The following TMEM38A variants were observed in gnomAD, a reference collection of about 807,000 sequenced individuals.
TMEM38A encodes the protein transmembrane protein 38A, also known as trimeric intracellular cation channel type A.
Under a neutral mutation model 28.6 loss-of-function variants are expected in TMEM38A, and 17 were observed. The observed-to-expected ratio is 0.60, with a 90% CI of 0.41 to 0.89. The LOEUF is 0.89. TMEM38A is among the 40% of genes least tolerant of loss of function. The pLI is 0.00. For synonymous variants in TMEM38A, 169 were observed against 166.1 expected (o/e 1.02, Z -0.14); for missense variants, 328 against 393.1 (o/e 0.83, Z 1.40).
intron 4 of TMEM38A, among the ~76,000 whole-genome samples, chr19:16,683,906 G>A (rs1224770101): frequency 1.3e-5 from 2 of 151,770 alleles, no homozygotes; most frequent in Admixed American, 1.3e-4. Context: ...GGAGGCGGAG[G>A]TTGCAGTGAG....
intron 2 of TMEM38A, 126 bp from the exon 3 acceptor site, chr19:16,680,271 C>G: frequency 6.8e-7 from 1 of 1,470,796 alleles, no homozygotes; most frequent in Admixed American, 1.7e-5. Flanking sequence ...AATATGCTGC[C>G]CTCCATGCCC....
chr19:16,663,748 G>A (rs1246460074), intron 1 of TMEM38A, among the ~76,000 whole-genome samples: 1 of 151,382 alleles, frequency 6.6e-6, no homozygotes, highest in African/African-American at 2.4e-5. Flanking sequence ...GTATTAGCCA[G>A]GATGGTCTCG....
intron 1 of TMEM38A, among the ~76,000 whole-genome samples, chr19:16,674,078 G>T (rs1237655459): frequency 7.0e-6 from 1 of 142,662 alleles, no homozygotes; most frequent in Non-Finnish European, 1.5e-5. Context: ...AGAGCGAGAT[G>T]CTGTCTCTTA....
intron 3 of TMEM38A, 63 bp from the exon 4 acceptor site, chr19:16,682,358 T>C: frequency 7.2e-7 from 1 of 1,381,266 alleles, no homozygotes; most frequent in Non-Finnish European, 1.0e-6. Context: ...TCCTTGGGAA[T>C]TCAAACAAGA....
intron 1 of TMEM38A, among the ~76,000 whole-genome samples, chr19:16,675,137 A>G (rs1195367768): frequency 6.6e-6 from 1 of 152,142 alleles, no homozygotes; most frequent in Non-Finnish European, 1.5e-5. Context: ...AACATGGTCA[A>G]GTTCTAATGA....
intron 1 of TMEM38A, among the ~76,000 whole-genome samples, chr19:16,674,318 G>A (rs1325998141): frequency 6.8e-6 from 1 of 146,098 alleles, no homozygotes; most frequent in Admixed American, 6.9e-5. Context: ...CTAGGAGGAG[G>A]CGGAGATTGC....
At chr19:16,675,150 G>A (rs2086744838) in intron 1 of TMEM38A, among the ~76,000 whole-genome samples, 1 of 152,126 alleles carries the variant, frequency 6.6e-6, no homozygotes, top group Non-Finnish European at 1.5e-5. Flanking sequence ...TCTAATGAGG[G>A]CCCTCTTCTG....
chr19:16,661,351 G>T lies in TMEM38A; in HGVS notation c.124+10G>T. 8.2e-6 allele frequency: 13 copies of T among 1,585,828 alleles called. No homozygotes were observed. Among genetic ancestry groups the T allele is most frequent in the African/African-American group, 2.7e-5 (2 of 73,394 alleles). ...CTCAAGTATGAGCCAGGTGAGCCGG[G>T]GCGGGGGGCTGGAGGGGACCGGCAG... On this transcript the variant is annotated intron_variant, in intron 1 of 5. Transcript: ENST00000187762. The surrounding 1 kb of genome is among the most constrained non-coding windows in gnomAD (Gnocchi z 6.5).
At chr19:16,666,464 T>A (rs2086703623) in intron 1 of TMEM38A, among the ~76,000 whole-genome samples, 2 of 151,736 alleles carry the variant, frequency 1.3e-5, no homozygotes, top group South Asian at 4.2e-4. Context: ...GGTCTTGCTC[T>A]GTCTCCCAGG....
rs2086802044 is a variant in TMEM38A, at chr19:16,686,357, C to A, written c.624C>A (p.Ser208=). The A allele has an allele frequency of 6.2e-7, 1 of 1,613,696 alleles. No individual in the cohort carries two copies. Among genetic ancestry groups the A allele is most frequent in the African/African-American group, 1.3e-5 (1 of 74,918 alleles). ...AGCAGACCCGCTGGCTCCCAGTGTC[C>A]AAAGCCAGCCTCATCTTCATCTTCA... The part of the protein sequence containing the change: ...TLQQTRWLPV[S]KASLIFIFTL... Residue 208 remains serine (S), a synonymous_variant, in exon 5 of 6, where the codon TCC becomes TCA. Coordinates refer to ENST00000187762, the MANE Select transcript of TMEM38A (RefSeq NM_024074.4).
At chr19:16,669,524 A>C (rs2086717654) in intron 1 of TMEM38A, among the ~76,000 whole-genome samples, 1 of 151,942 alleles carries the variant, frequency 6.6e-6, no homozygotes, top group Non-Finnish European at 1.5e-5. Context: ...AACATTTTTC[A>C]TATGCTGTTA....
chr19:16,671,201 C>CTTTTTTTTTT lies in TMEM38A; in HGVS notation c.125-8770_125-8761dup, dbSNP rs34550977. 8.0e-3 allele frequency among the ~76,000 whole-genome samples: 675 copies of CTTTTTTTTTT among 84,838 alleles called. 81 individuals are homozygous for CTTTTTTTTTT. Among genetic ancestry groups the CTTTTTTTTTT allele is most frequent in the African/African-American group, 0.041 (615 of 15,110 alleles). The allele number at this position is 84,838 out of a possible 152,430, so 55.7% of individuals were successfully genotyped here. On this transcript the variant is annotated intron_variant, in intron 1 of 5. Coordinates refer to ENST00000187762, the MANE Select transcript of TMEM38A (RefSeq NM_024074.4). ...GTATGGAAAGGGGAAAGGACCTGGGCTTTTTTTTTTTTTTTTTTTTTTGAG... is the reference window on the plus strand; with the variant it reads ...GTATGGAAAGGGGAAAGGACCTGGGCTTTTTTTTTTTTTTTTTTTTTTTTTTTTTTTTGAG...
At chr19:16,669,476 G>C (rs1293236504) in intron 1 of TMEM38A, among the ~76,000 whole-genome samples, 1 of 152,048 alleles carries the variant, frequency 6.6e-6, no homozygotes, top group African/African-American at 2.4e-5. Flanking sequence ...CAAAGTGCTG[G>C]GATTACAGGT....
chr19:16,680,084 G>T lies in TMEM38A; in HGVS notation c.225G>T (p.Glu75Asp). 1 of 1,611,256 alleles carries T rather than the reference G, an allele frequency of 6.2e-7. No homozygotes were observed. ...TCCTGGCTGATCTGCTCCTTGGGGA[G>T]CCACTGATCGATTACTTCAGCAACA... is the stretch of plus-strand genomic sequence containing the variant. ...SYILADLLLG[E>D]PLIDYFSNNS... Residue 75 changes from glutamate to aspartate, a missense_variant, in exon 2 of 6, where the codon GAG (glutamate) becomes GAT (aspartate). By Grantham distance (45) the Glu-to-Asp change is conservative. Coordinates refer to ENST00000187762, the MANE Select transcript of TMEM38A (RefSeq NM_024074.4).
At chr19:16,669,916 C>G (rs1262802424) in intron 1 of TMEM38A, among the ~76,000 whole-genome samples, 2 of 152,130 alleles carry the variant, frequency 1.3e-5, no homozygotes, top group Admixed American at 6.6e-5. Flanking sequence ...TTCCTCTCTT[C>G]TGAGGCAGAG....
intron 1 of TMEM38A, among the ~76,000 whole-genome samples, chr19:16,662,857 G>A: frequency 6.6e-6 from 1 of 151,980 alleles, no homozygotes; most frequent in Non-Finnish European, 1.5e-5. Context: ...AGCTATCCTG[G>A]AGAACATTAC....
At chr19:16,678,128 A>G (rs980910875) in intron 1 of TMEM38A, among the ~76,000 whole-genome samples, 4 of 152,160 alleles carry the variant, frequency 2.6e-5, no homozygotes, top group Non-Finnish European at 2.9e-5. Flanking sequence ...ATATAATGCC[A>G]TAGAACCACA....
chr19:16,684,337 A>T (rs978789035), intron 4 of TMEM38A, among the ~76,000 whole-genome samples: 2 of 150,698 alleles, frequency 1.3e-5, no homozygotes, highest in African/African-American at 2.4e-5. Flanking sequence ...AAAATTAGCC[A>T]GGTGTGGTGG....
At chr19:16,675,275 C>A (rs564435966) in intron 1 of TMEM38A, among the ~76,000 whole-genome samples, 1 of 152,210 alleles carries the variant, frequency 6.6e-6, no homozygotes, top group South Asian at 2.1e-4. Flanking sequence ...GCTCTGTCAC[C>A]CAGGCTGGAG....
Sources: gnomAD v4.1 joint callset for allele counts (sites outside exome capture counted in the v4.1 genomes callset) on GRCh38, gnomAD v4.1.1 for gene constraint, Gnocchi (gnomAD v3.1) non-coding constraint, MANE v1.5 for transcripts, NCBI Gene and HGNC (gene_info 2026-07-23, HGNC 2026-07-21) for gene names.